The following MARCHF1 variants were observed in gnomAD, a reference collection of about 807,000 sequenced individuals.
MARCHF1 encodes the protein E3 ubiquitin-protein ligase MARCHF1.
MARCHF1 carries 40 observed loss-of-function variants against 54.2 expected under a neutral mutation model. That is an observed-to-expected ratio of 0.74 (90% CI 0.57 to 0.96). The LOEUF is 0.96. Among genes scored for constraint, MARCHF1 ranks in the 40% least tolerant of loss-of-function variants. The pLI is 0.00. For synonymous variants in MARCHF1, 236 were observed against 236.3 expected, an observed-to-expected ratio of 1.00 and a Z score of 0.01; for missense variants, 586 against 656.5, an observed-to-expected ratio of 0.89 and a Z score of 1.17.
chr4:163,651,525 CTTTTT>C (rs66848288), intron 5 of MARCHF1, among the ~76,000 whole-genome samples: 83 of 131,054 alleles, frequency 6.3e-4, no homozygotes, highest in East Asian at 6.3e-3. Flanking sequence ...AAGTACCATA[CTTTTT>C]TTTTTTTTTT....
intron 4 of MARCHF1, among the ~76,000 whole-genome samples, chr4:163,755,783 G>C (rs551471103): frequency 2.6e-5 from 4 of 152,204 alleles, no homozygotes; most frequent in Non-Finnish European, 5.9e-5. Context: ...ACAGAAAACT[G>C]AGCAAGCTCA....
chr4:163,700,507 AAGAT>A (rs368091478), intron 5 of MARCHF1, among the ~76,000 whole-genome samples: 2,143 of 141,420 alleles, frequency 0.015, 15 homozygotes, highest in Middle Eastern at 0.029. Flanking sequence ...TCTGTCTAAA[AAGAT>A]AGATAGAAAG....
intron 1 of MARCHF1, among the ~76,000 whole-genome samples, chr4:164,356,013 A>T (rs1730517360): frequency 2.3e-5 from 3 of 129,876 alleles, no homozygotes; most frequent in Non-Finnish European, 3.5e-5. Context: ...ACACATGAAA[A>T]AATGCTCACC....
chr4:163,724,382 AG>A (rs1368188847), intron 4 of MARCHF1, among the ~76,000 whole-genome samples: 1 of 152,194 alleles, frequency 6.6e-6, no homozygotes, highest in Admixed American at 6.5e-5. Flanking sequence ...TTCGTCTCAG[AG>A]GGGGACCCGG....
chr4:164,216,203 C>T (rs560302699), intron 1 of MARCHF1, among the ~76,000 whole-genome samples: 5 of 152,158 alleles, frequency 3.3e-5, no homozygotes, highest in Admixed American at 6.5e-5. Context: ...ACGGTTTGGC[C>T]ATTTATTTGC....
intron 2 of MARCHF1, among the ~76,000 whole-genome samples, chr4:164,048,718 T>C (rs1457315044): frequency 6.6e-6 from 1 of 152,172 alleles, no homozygotes; most frequent in Non-Finnish European, 1.5e-5. Flanking sequence ...CCAGTTATTT[T>C]CCCACCAGAA....
At chr4:163,817,422 T>C (rs1243228106) in intron 4 of MARCHF1, among the ~76,000 whole-genome samples, 1 of 149,556 alleles carries the variant, frequency 6.7e-6, no homozygotes, top group East Asian at 2.0e-4. Context: ...TATGTATATA[T>C]AGACACACAC....
Position 163,812,320 on chromosome 4 carries a change from T to TGTATACACATACATGTATACATATACAC in MARCHF1, c.111+41673_111+41700dup, listed in dbSNP as rs1402989165. Among the ~76,000 whole-genome samples, 24 of 151,644 alleles carry TGTATACACATACATGTATACATATACAC rather than the reference T, an allele frequency of 1.6e-4. No homozygotes were observed. The South Asian group carries it at 2.9e-3, about 18-fold the overall frequency. ...TAATACATCTCTTCCTATATATACA[T>TGTATACACATACATGTATACATATACAC]GTATACACATACATGTATACATATA... On this transcript the variant is annotated intron_variant, in intron 4 of 9. Coordinates refer to ENST00000514618, the MANE Select transcript of MARCHF1 (RefSeq NM_001394959.1).
At chr4:164,036,011 G>T (rs1486587544) in intron 2 of MARCHF1, among the ~76,000 whole-genome samples, 1 of 145,684 alleles carries the variant, frequency 6.9e-6, no homozygotes, top group Non-Finnish European at 1.5e-5. Flanking sequence ...GCTGAGGCAG[G>T]ATAATTGATT....
chr4:163,833,277 G>A (rs527293282), intron 4 of MARCHF1, among the ~76,000 whole-genome samples: 9 of 152,092 alleles, frequency 5.9e-5, no homozygotes, highest in Non-Finnish European at 1.2e-4. Flanking sequence ...TTTAATGATC[G>A]CCAAAATACC....
At chr4:164,120,247 A>G (rs1458574252) in intron 1 of MARCHF1, among the ~76,000 whole-genome samples, 1 of 152,114 alleles carries the variant, frequency 6.6e-6, no homozygotes, top group Non-Finnish European at 1.5e-5. Flanking sequence ...AGAGGTCACT[A>G]TATAATGACA....
At chr4:163,712,114 C>T (rs1745124685) in intron 4 of MARCHF1, among the ~76,000 whole-genome samples, 1 of 152,128 alleles carries the variant, frequency 6.6e-6, no homozygotes, top group South Asian at 2.1e-4. Context: ...AAACAGACCA[C>T]ACATTATAGA....
intron 3 of MARCHF1, among the ~76,000 whole-genome samples, chr4:163,913,577 A>G (rs6536762): frequency 0.92 from 140,289 of 152,186 alleles, 65,477 homozygotes; most frequent in South Asian, 0.99. Context: ...ACCCTCATCC[A>G]TAATTTGCAC....
intron 1 of MARCHF1, among the ~76,000 whole-genome samples, chr4:164,334,653 T>G (rs958957994): frequency 5.3e-5 from 8 of 152,168 alleles, no homozygotes; most frequent in Non-Finnish European, 7.3e-5. Context: ...CATTCTACAA[T>G]CCATAGATCA....
At chr4:164,027,917 G>A (rs1195993139) in intron 2 of MARCHF1, among the ~76,000 whole-genome samples, 3 of 151,994 alleles carry the variant, frequency 2.0e-5, no homozygotes, top group African/African-American at 7.2e-5. Flanking sequence ...TAAAAAATGG[G>A]CAGAGAAACT....
At chr4:164,300,018 A>G (rs1295731261) in intron 1 of MARCHF1, among the ~76,000 whole-genome samples, 1 of 152,174 alleles carries the variant, frequency 6.6e-6, no homozygotes, top group African/African-American at 2.4e-5. Context: ...TCAAACAAAT[A>G]TAAACCCCAC....
chr4:163,803,520 G>A (rs1748141735), intron 4 of MARCHF1, among the ~76,000 whole-genome samples: 1 of 149,318 alleles, frequency 6.7e-6, no homozygotes, highest in African/African-American at 2.6e-5. Flanking sequence ...TGAATCCATA[G>A]GTGTCTTTAA....
intron 3 of MARCHF1, among the ~76,000 whole-genome samples, chr4:163,973,331 T>C (rs1752586808): frequency 6.6e-6 from 1 of 152,254 alleles, no homozygotes. Flanking sequence ...AGCTGGGAGC[T>C]GGTTGTTCTT....
Position 164,253,940 on chromosome 4 carries a change from T to A in MARCHF1, c.-323+129930A>T, listed in dbSNP as rs535393449. On this transcript the variant is annotated intron_variant, in intron 1 of 9. Transcript: ENST00000514618. ...TGCATAGTGCATGATTCTATCTATA[T>A]AACATTTTTGTAGTAACATTACTAT... 2.6e-5 allele frequency among the ~76,000 whole-genome samples: 4 copies of A among 152,304 alleles called. No individual in the cohort carries two copies. The South Asian group carries it at 8.3e-4, about 32-fold the overall frequency.
Sources: gnomAD v4.1 joint callset for allele counts (sites outside exome capture counted in the v4.1 genomes callset) on GRCh38, gnomAD v4.1.1 for gene constraint, MANE v1.5 for transcripts, NCBI Gene and HGNC (gene_info 2026-07-23, HGNC 2026-07-21) for gene names.